Variants in GALNTL6 observed in about 807,000 individuals in gnomAD.
GALNTL6 encodes the protein polypeptide N-acetylgalactosaminyltransferase like 6, also known as polypeptide N-acetylgalactosaminyltransferase-like 6.
Under a neutral mutation model 73.7 loss-of-function variants are expected in GALNTL6, and 46 were observed. The observed-to-expected ratio is 0.62, with a 90% CI of 0.49 to 0.80. The LOEUF (loss-of-function observed/expected upper bound fraction) is 0.80, where lower values mean the gene tolerates loss of function less well. Among genes scored for constraint, GALNTL6 ranks in the 30% least tolerant of loss-of-function variants. The probability of loss-of-function intolerance (pLI) is 0.00; values close to 1 mark genes in which losing one functional copy is unlikely to be tolerated. For missense variants in GALNTL6, 604 were observed against 755.0 expected, an observed-to-expected ratio of 0.80 and a Z score of 2.34; for synonymous variants, 259 against 263.7, an observed-to-expected ratio of 0.98 and a Z score of 0.17.
intron 2 of GALNTL6, among the ~76,000 whole-genome samples, chr4:172,177,802 C>CACACATATATGTGTGTGTATATAT (rs1735080902): frequency 7.4e-6 from 1 of 135,194 alleles, no homozygotes; most frequent in Non-Finnish European, 1.5e-5. Context: ...TATATATACA[C>CACACATATATGTGTGTGTATATAT]ACACATATAT....
intron 5 of GALNTL6, among the ~76,000 whole-genome samples, chr4:172,769,837 A>C (rs571866769): frequency 6.6e-6 from 1 of 152,360 alleles, no homozygotes; most frequent in Admixed American, 6.5e-5. Flanking sequence ...ATTCAGCTAT[A>C]AGGTGAGACC....
chr4:172,790,270 C>A (rs1739920103), intron 5 of GALNTL6, among the ~76,000 whole-genome samples: 1 of 152,036 alleles, frequency 6.6e-6, no homozygotes, highest in Non-Finnish European at 1.5e-5. Flanking sequence ...GTTGTGTTTC[C>A]CCAAAGTCAT....
intron 2 of GALNTL6, among the ~76,000 whole-genome samples, chr4:171,998,808 G>T (rs1259332061): frequency 2.0e-5 from 3 of 152,092 alleles, no homozygotes; most frequent in Admixed American, 1.3e-4. Context: ...AACATGTACA[G>T]ATTTCGCAAA....
At chr4:172,215,502 A>G (rs1736468315) in intron 2 of GALNTL6, among the ~76,000 whole-genome samples, 1 of 152,130 alleles carries the variant, frequency 6.6e-6, no homozygotes, top group South Asian at 2.1e-4. Flanking sequence ...CTTCTTGTGA[A>G]GTCTGACTTG....
At chr4:172,402,978 T>C (rs1350478157) in intron 5 of GALNTL6, among the ~76,000 whole-genome samples, 1 of 152,118 alleles carries the variant, frequency 6.6e-6, no homozygotes, top group East Asian at 1.9e-4. Context: ...GAATTATCTT[T>C]CTTAGGCCTA....
At chr4:172,423,369 CCT>C (rs1392614945) in intron 5 of GALNTL6, among the ~76,000 whole-genome samples, 1 of 151,990 alleles carries the variant, frequency 6.6e-6, no homozygotes, top group Non-Finnish European at 1.5e-5. Context: ...TAATTTGCCC[CCT>C]TTTTTTAATT....
intron 5 of GALNTL6, among the ~76,000 whole-genome samples, chr4:172,616,757 A>G (rs1738751817): frequency 6.6e-6 from 1 of 152,082 alleles, no homozygotes; most frequent in African/African-American, 2.4e-5. Flanking sequence ...AACCCAGGCT[A>G]AGGGTCTTGG....
At chr4:172,783,476 TATTA>T (rs1200000099) in intron 5 of GALNTL6, among the ~76,000 whole-genome samples, 5 of 147,336 alleles carry the variant, frequency 3.4e-5, no homozygotes, top group South Asian at 2.1e-4. Flanking sequence ...TATTATACAC[TATTA>T]ATAATATTAT....
intron 5 of GALNTL6, among the ~76,000 whole-genome samples, chr4:172,771,284 T>C (rs1042694895): frequency 1.3e-5 from 2 of 152,194 alleles, no homozygotes; most frequent in African/African-American, 2.4e-5. Flanking sequence ...GTTTTCCTAA[T>C]TGAGAAGTTC....
intron 3 of GALNTL6, among the ~76,000 whole-genome samples, chr4:172,291,050 G>A (rs1471449241): frequency 6.6e-6 from 1 of 151,804 alleles, no homozygotes; most frequent in African/African-American, 2.4e-5. Flanking sequence ...CACAAAAAAA[G>A]GAATAATAGA....
chr4:171,956,949 G>T lies in GALNTL6; in HGVS notation c.138+142231G>T, dbSNP rs527396562. ...ATCTCACATCCTGCCTTGCTGTTTA[G>T]CAGTCACTCTGACCTAACTATCCTT... On this transcript the variant is annotated intron_variant, in intron 2 of 12. Coordinates refer to ENST00000506823, the MANE Select transcript of GALNTL6 (RefSeq NM_001034845.3). 1.5e-3 allele frequency among the ~76,000 whole-genome samples: 236 copies of T among 152,298 alleles called. 1 individual carries two copies. Among genetic ancestry groups the T allele is most frequent in the Middle Eastern group, 3.4e-3 (1 of 294 alleles).
At position 172,697,484 on chromosome 4, in the gene GALNTL6, T is replaced by A. The variant is rs77202173; in HGVS notation, c.554-111877T>A. 7.7e-3 allele frequency among the ~76,000 whole-genome samples: 1,171 copies of A among 152,336 alleles called. 12 individuals are homozygous for A. Among genetic ancestry groups the A allele is most frequent in the African/African-American group, 0.027 (1,115 of 41,586 alleles). On this transcript the variant is annotated intron_variant, in intron 5 of 12. Transcript: ENST00000506823. Reference sequence around the variant, plus strand: ...AAAGTAAGACAATTTGTGTACAAAATAAGTTTAACTTACAATTATAAATTT... The same window carrying A: ...AAAGTAAGACAATTTGTGTACAAAAAAAGTTTAACTTACAATTATAAATTT...
intron 2 of GALNTL6, among the ~76,000 whole-genome samples, chr4:171,988,827 G>T (rs1301709797): frequency 6.6e-6 from 1 of 152,116 alleles, no homozygotes; most frequent in Non-Finnish European, 1.5e-5. Context: ...GGTAAGGGGG[G>T]CATGATCGGT....
chr4:172,237,937 T>C (rs1271605961), intron 3 of GALNTL6, among the ~76,000 whole-genome samples: 2 of 152,154 alleles, frequency 1.3e-5, no homozygotes, highest in Non-Finnish European at 2.9e-5. Context: ...GTCTGTTCCA[T>C]TGGTCTATGT....
chr4:172,617,563 A>C (rs1738787902), intron 5 of GALNTL6, among the ~76,000 whole-genome samples: 1 of 151,384 alleles, frequency 6.6e-6, no homozygotes. Flanking sequence ...TGCAAGCTCC[A>C]CCTCCTGGGT....
chr4:172,227,505 AAG>A (rs943348012), intron 2 of GALNTL6, among the ~76,000 whole-genome samples: 60 of 152,238 alleles, frequency 3.9e-4, no homozygotes, highest in African/African-American at 1.4e-3. Flanking sequence ...GAGAACCCAG[AAG>A]AGTCTAACTG....
At chr4:172,168,970 T>C (rs1310805833) in intron 2 of GALNTL6, among the ~76,000 whole-genome samples, 1 of 152,210 alleles carries the variant, frequency 6.6e-6, no homozygotes, top group East Asian at 1.9e-4. Context: ...AGGATAACAA[T>C]TTAGCAAACA....
intron 5 of GALNTL6, among the ~76,000 whole-genome samples, chr4:172,363,642 C>CT (rs1432514045): frequency 6.6e-6 from 1 of 152,146 alleles, no homozygotes; most frequent in African/African-American, 2.4e-5. Context: ...TTATATCTAT[C>CT]TTTACTACCA....
chr4:172,584,490 G>T (rs952908645), intron 5 of GALNTL6, among the ~76,000 whole-genome samples: 1 of 152,166 alleles, frequency 6.6e-6, no homozygotes, highest in African/African-American at 2.4e-5. Flanking sequence ...AGACACTAAG[G>T]ACTCAAGGAC....
Sources: gnomAD v4.1 joint callset for allele counts (sites outside exome capture counted in the v4.1 genomes callset) on GRCh38, gnomAD v4.1.1 for gene constraint, MANE v1.5 for transcripts, NCBI Gene and HGNC (gene_info 2026-07-23, HGNC 2026-07-21) for gene names.